Variants in NTM observed in about 807,000 individuals in gnomAD.
NTM encodes neurotrimin, also known as IgLON family member 2.
In NTM, 13 loss-of-function variants were observed where a neutral mutation model predicts 42.1. The ratio of observed to expected loss-of-function variants is 0.31; its 90% confidence interval spans 0.20 to 0.49. The LOEUF (loss-of-function observed/expected upper bound fraction) is 0.49. Ranked by LOEUF, NTM falls within the 20% of genes least tolerant of loss-of-function variation. The pLI is 0.99. For synonymous variants in NTM, 187 were observed against 179.2 expected, an observed-to-expected ratio of 1.04 and a Z score of -0.35; for missense variants, 373 against 452.8, an observed-to-expected ratio of 0.82 and a Z score of 1.60.
intron 2 of NTM, among the ~76,000 whole-genome samples, chr11:132,137,675 G>T (rs2068213429): frequency 6.6e-6 from 1 of 152,190 alleles, no homozygotes; most frequent in African/African-American, 2.4e-5. Context: ...GGAAGGCACT[G>T]TTAACACTTT....
chr11:132,110,431 A>G (rs548289627), intron 2 of NTM, among the ~76,000 whole-genome samples: 109 of 152,340 alleles, frequency 7.2e-4, no homozygotes, highest in African/African-American at 2.5e-3. Context: ...ATATGGCTGA[A>G]GTGTGATCCA....
At position 132,171,013 on chromosome 11, in the gene NTM, C is replaced by T. The variant is rs1566368618; in HGVS notation, c.400+24499C>T. On this transcript the variant is annotated intron_variant, in intron 3 of 8. Transcript: ENST00000683400. ...GCTCATTAAATTGTAGTTATCTCTT[C>T]ACCCAAAAGTTATACATTTTGGGGT... is the stretch of plus-strand genomic sequence containing the variant. Among the ~76,000 whole-genome samples the T allele has an allele frequency of 2.0e-5, 3 of 152,316 alleles. No individual in the cohort carries two copies. The East Asian group carries it at 5.8e-4, about 29-fold the overall frequency.
At chr11:131,773,409 G>C (rs567316342) in intron 1 of NTM, among the ~76,000 whole-genome samples, 2 of 152,320 alleles carry the variant, frequency 1.3e-5, no homozygotes, top group South Asian at 4.1e-4. Flanking sequence ...TAGCACTAGG[G>C]TGCCTATACT....
At chr11:131,548,452 C>T (rs1444606851) in intron 1 of NTM, among the ~76,000 whole-genome samples, 1 of 151,996 alleles carries the variant, frequency 6.6e-6, no homozygotes, top group African/African-American at 2.4e-5. Context: ...TTTTTATATT[C>T]AGAGTTCTTT....
chr11:132,030,800 A>T (rs1248220085), intron 2 of NTM, among the ~76,000 whole-genome samples: 1 of 152,218 alleles, frequency 6.6e-6, no homozygotes, highest in Non-Finnish European at 1.5e-5. Flanking sequence ...GCAGAGAGAT[A>T]GTGGGAAGCT....
intron 1 of NTM, among the ~76,000 whole-genome samples, chr11:131,604,702 C>A (rs1383169082): frequency 5.5e-5 from 2 of 36,528 alleles, no homozygotes; most frequent in Non-Finnish European, 1.1e-4. Context: ...AATTTAAGGT[C>A]TTTTTTTCTT....
intron 1 of NTM, among the ~76,000 whole-genome samples, chr11:131,378,577 T>C (rs1215945151): frequency 6.6e-6 from 1 of 152,188 alleles, no homozygotes; most frequent in Non-Finnish European, 1.5e-5. Flanking sequence ...TAAAGCATCC[T>C]TAGAATGGAA....
In NTM at chr11:131,887,914, G is replaced by T. The variant is rs560064871; in HGVS notation, c.83-23650G>T. 3.3e-5 allele frequency among the ~76,000 whole-genome samples: 5 copies of T among 152,276 alleles called. No individual in the cohort carries two copies. The South Asian group carries it at 1.0e-3, about 32-fold the overall frequency. ...TCAGTTTACAGATGAGAAAACCAAGGCAAGAAGAGAGTAACTTGCCACATT... is the reference window on the plus strand; with the variant it reads ...TCAGTTTACAGATGAGAAAACCAAGTCAAGAAGAGAGTAACTTGCCACATT... On this transcript the variant is annotated intron_variant, in intron 1 of 8. Coordinates refer to ENST00000683400, the MANE Select transcript of NTM (RefSeq NM_001352005.2).
intron 2 of NTM, among the ~76,000 whole-genome samples, chr11:131,926,947 G>A (rs2058035288): frequency 6.6e-6 from 1 of 152,284 alleles, no homozygotes; most frequent in Middle Eastern, 3.4e-3. Context: ...TTTACCTGTT[G>A]CCATTTCCAA....
At chr11:132,091,450 A>G (rs1346778177) in intron 2 of NTM, among the ~76,000 whole-genome samples, 1 of 152,012 alleles carries the variant, frequency 6.6e-6, no homozygotes, top group African/African-American at 2.4e-5. Context: ...ATCTTTTCAT[A>G]GTTGACTATA....
At chr11:131,978,340 C>G (rs1240109912) in intron 2 of NTM, among the ~76,000 whole-genome samples, 2 of 152,122 alleles carry the variant, frequency 1.3e-5, no homozygotes, top group African/African-American at 4.8e-5. Flanking sequence ...GTAATAGACT[C>G]AGGGATGTTG....
intron 1 of NTM, among the ~76,000 whole-genome samples, chr11:131,773,342 A>G (rs748560470): frequency 1.6e-4 from 24 of 152,324 alleles, no homozygotes; most frequent in Non-Finnish European, 2.9e-4. Flanking sequence ...TAATACCATT[A>G]TTTTGGTGAT....
At chr11:132,199,213 AAGGCGTGACACCACAGGT>A (rs1180095573) in intron 3 of NTM, among the ~76,000 whole-genome samples, 2 of 152,206 alleles carry the variant, frequency 1.3e-5, no homozygotes, top group East Asian at 3.9e-4. Context: ...AAATCTAAGA[AAGGCGTGACACCACAGGT>A]AGGGATGTTT....
chr11:132,070,867 T>C (rs536942573), intron 2 of NTM, among the ~76,000 whole-genome samples: 2 of 139,676 alleles, frequency 1.4e-5, no homozygotes, highest in African/African-American at 5.3e-5. Context: ...CACAGGTTAG[T>C]TAACACGTCA....
intron 1 of NTM, among the ~76,000 whole-genome samples, chr11:131,728,164 C>A (rs1052694504): frequency 6.6e-6 from 1 of 152,164 alleles, no homozygotes; most frequent in Non-Finnish European, 1.5e-5. Flanking sequence ...GGGTGGCATC[C>A]AATCCAATTT....
At chr11:132,054,411 C>T (rs759721185) in intron 2 of NTM, among the ~76,000 whole-genome samples, 16 of 152,182 alleles carry the variant, frequency 1.1e-4, no homozygotes, top group Non-Finnish European at 1.5e-4. Context: ...CATTTGTCTG[C>T]GCTTACTACT....
chr11:132,190,136 C>A (rs1261563543), intron 3 of NTM, among the ~76,000 whole-genome samples: 1 of 152,112 alleles, frequency 6.6e-6, no homozygotes, highest in Non-Finnish European at 1.5e-5. Flanking sequence ...GTGGAAGGGA[C>A]AGAGTGTGCA....
chr11:132,095,400 A>T (rs556966743), intron 2 of NTM, among the ~76,000 whole-genome samples: 1 of 151,902 alleles, frequency 6.6e-6, no homozygotes, highest in Non-Finnish European at 1.5e-5. Context: ...CTCTGCAGGG[A>T]CTGGCGGCTA....
intron 2 of NTM, among the ~76,000 whole-genome samples, chr11:132,069,125 C>T (rs1472241222): frequency 9.2e-5 from 14 of 151,690 alleles, no homozygotes; most frequent in South Asian, 2.1e-4. Context: ...TTAGTTTACA[C>T]GTCACACAGC....
Sources: gnomAD v4.1 joint callset for allele counts (sites outside exome capture counted in the v4.1 genomes callset) on GRCh38, gnomAD v4.1.1 for gene constraint, MANE v1.5 for transcripts, NCBI Gene and HGNC (gene_info 2026-07-23, HGNC 2026-07-21) for gene names.